The following ATRNL1 variants were observed in gnomAD, a reference collection of about 807,000 sequenced individuals.
ATRNL1 encodes the protein attractin-like protein 1.
In ATRNL1, 95 loss-of-function variants were observed where a neutral mutation model predicts 182.7. The observed-to-expected ratio is 0.52, with a 90% confidence interval of 0.44 to 0.62. The LOEUF is 0.62. Among genes scored for constraint, ATRNL1 ranks in the 20% least tolerant of loss-of-function variants. The pLI is 0.00. For missense variants in ATRNL1, 1,471 were observed against 1,679.5 expected, an observed-to-expected ratio of 0.88 and a Z score of 2.17; for synonymous variants, 576 against 568.3, an observed-to-expected ratio of 1.01 and a Z score of -0.19.
At chr10:115,592,528 C>T (rs1490724160) in intron 26 of ATRNL1, among the ~76,000 whole-genome samples, 1 of 152,152 alleles carries the variant, frequency 6.6e-6, no homozygotes, top group Non-Finnish European at 1.5e-5. Context: ...CGCAGCTCTA[C>T]CTTACTCCAC....
chr10:115,387,212 C>A (rs1264891533), intron 19 of ATRNL1, among the ~76,000 whole-genome samples: 2 of 152,088 alleles, frequency 1.3e-5, no homozygotes, highest in South Asian at 2.1e-4. Flanking sequence ...GATGAGTAAA[C>A]AAGCTAGCTA....
At chr10:115,852,327 T>G (rs1232715225) in intron 28 of ATRNL1, among the ~76,000 whole-genome samples, 2 of 152,204 alleles carry the variant, frequency 1.3e-5, no homozygotes, top group East Asian at 3.9e-4. Context: ...ATTAGATTAT[T>G]TTGAATAATC....
chr10:115,411,781 T>C (rs1170376543), intron 20 of ATRNL1, among the ~76,000 whole-genome samples: 1 of 152,194 alleles, frequency 6.6e-6, no homozygotes, highest in Non-Finnish European at 1.5e-5. Flanking sequence ...AAGTTGAACT[T>C]GCTAAAATAA....
chr10:115,536,976 A>C (rs1185126544), intron 25 of ATRNL1, among the ~76,000 whole-genome samples: 2 of 152,324 alleles, frequency 1.3e-5, no homozygotes, highest in Non-Finnish European at 2.9e-5. Context: ...CTCTGTTTAA[A>C]AAAATAAGAT....
chr10:115,221,520 T>TAAAGCATGAGAGAACTATCA (rs1849465315), intron 9 of ATRNL1, among the ~76,000 whole-genome samples: 1 of 152,150 alleles, frequency 6.6e-6, no homozygotes, highest in South Asian at 2.1e-4. Context: ...TTTATTTGCC[T>TAAAGCATGAGAGAACTATCA]AAAGCATGAG....
At chr10:115,892,888 T>C (rs1555111626) in intron 28 of ATRNL1, among the ~76,000 whole-genome samples, 2 of 152,262 alleles carry the variant, frequency 1.3e-5, no homozygotes, top group Admixed American at 6.5e-5. Context: ...CATAAGTTGA[T>C]AAAATATTTG....
intron 27 of ATRNL1, among the ~76,000 whole-genome samples, chr10:115,785,452 C>G (rs887103739): frequency 4.6e-5 from 7 of 152,212 alleles, no homozygotes; most frequent in Admixed American, 2.6e-4. Context: ...CAGTCCAAGC[C>G]TAGCAGTGCT....
At chr10:115,247,817 A>G (rs1554904456) in intron 10 of ATRNL1, among the ~76,000 whole-genome samples, 1 of 152,210 alleles carries the variant, frequency 6.6e-6, no homozygotes, top group Non-Finnish European at 1.5e-5. Context: ...TGGTATATAT[A>G]CATGCTGAAA....
At chr10:115,588,166 C>T (rs1159951266) in intron 26 of ATRNL1, among the ~76,000 whole-genome samples, 8 of 152,126 alleles carry the variant, frequency 5.3e-5, no homozygotes, top group Non-Finnish European at 1.2e-4. Context: ...TGATATGTAG[C>T]ATCAGTTTGG....
intron 19 of ATRNL1, among the ~76,000 whole-genome samples, chr10:115,347,263 T>G (rs1035960677): frequency 2.0e-5 from 3 of 152,168 alleles, no homozygotes; most frequent in African/African-American, 7.2e-5. Flanking sequence ...TTTATGAAAT[T>G]TTTAAATAAT....
intron 27 of ATRNL1, among the ~76,000 whole-genome samples, chr10:115,785,062 C>A (rs1565376721): frequency 6.6e-6 from 1 of 152,148 alleles, no homozygotes; most frequent in Non-Finnish European, 1.5e-5. Context: ...CAAAAAGTCC[C>A]AAATCTCATC....
intron 28 of ATRNL1, among the ~76,000 whole-genome samples, chr10:115,896,660 G>A (rs879979410): frequency 1.3e-5 from 2 of 151,918 alleles, no homozygotes; most frequent in Non-Finnish European, 2.9e-5. Flanking sequence ...AAAAGAAAAA[G>A]AATACAGAAA....
chr10:115,266,496 T>C (rs1554910725), intron 11 of ATRNL1, among the ~76,000 whole-genome samples: 1 of 151,618 alleles, frequency 6.6e-6, no homozygotes, highest in Non-Finnish European at 1.5e-5. Context: ...TCATTGTTTC[T>C]TTTCCTTTCT....
chr10:115,364,031 A>G (rs1856892050), intron 19 of ATRNL1, among the ~76,000 whole-genome samples: 1 of 151,814 alleles, frequency 6.6e-6, no homozygotes, highest in South Asian at 2.1e-4. Flanking sequence ...TGAACTTTAA[A>G]GTAGTTTTTT....
intron 26 of ATRNL1, among the ~76,000 whole-genome samples, chr10:115,669,533 T>G (rs1234994369): frequency 1.3e-5 from 2 of 152,158 alleles, no homozygotes; most frequent in African/African-American, 4.8e-5. Context: ...TCCTGATATA[T>G]TCCCATCATT....
chr10:115,813,917 A>G (rs1263942226), intron 27 of ATRNL1, among the ~76,000 whole-genome samples: 1 of 152,182 alleles, frequency 6.6e-6, no homozygotes, highest in Non-Finnish European at 1.5e-5. Context: ...ACAAAAAGAT[A>G]TTATTTGACA....
chr10:115,255,243 G>A (rs937965146), intron 10 of ATRNL1, among the ~76,000 whole-genome samples: 3 of 152,104 alleles, frequency 2.0e-5, no homozygotes, highest in South Asian at 2.1e-4. Flanking sequence ...CCATTTTCAC[G>A]ATACTGATTC....
At chr10:115,267,885 C>A (rs117233318) in intron 12 of ATRNL1, among the ~76,000 whole-genome samples, 1 of 152,056 alleles carries the variant, frequency 6.6e-6, no homozygotes, top group Non-Finnish European at 1.5e-5. Flanking sequence ...CCTTAGCTTT[C>A]CGAGTAGCTG....
chr10:115,710,473 C>G (rs79815229), intron 26 of ATRNL1, among the ~76,000 whole-genome samples: 2,330 of 152,154 alleles, frequency 0.015, 54 homozygotes, highest in African/African-American at 0.053. Flanking sequence ...AAAATTGGCA[C>G]TGAATCAAGA....
Sources: allele counts gnomAD v4.1 joint callset (sites outside exome capture counted in the v4.1 genomes callset), GRCh38; gene constraint gnomAD v4.1.1; transcripts MANE v1.5; gene names NCBI Gene and HGNC (gene_info 2026-07-23, HGNC 2026-07-21).